EYA3: variants seen among roughly 807,000 people sequenced by gnomAD.
EYA3 encodes protein phosphatase EYA3.
EYA3 carries 39 observed loss-of-function variants against 80.0 expected under a neutral mutation model. That is an observed-to-expected ratio of 0.49 (90% CI 0.38 to 0.64). The LOEUF is 0.64. Among genes scored for constraint, EYA3 ranks in the 30% least tolerant of loss-of-function variants. The pLI is 0.00. For synonymous variants in EYA3, 206 were observed against 232.8 expected (o/e 0.88, Z 1.05); for missense variants, 523 against 676.1 (o/e 0.77, Z 2.51).
At chr1:28,042,550 T>C in intron 4 of EYA3, 21 bp downstream of exon 4, 5 of 1,604,570 alleles carry the variant, frequency 3.1e-6, no homozygotes, top group Non-Finnish European at 4.3e-6. Flanking sequence ...TGTTCAATCA[T>C]GCACAGAATA....
Position 28,027,941 on chromosome 1 carries a change from T to A in EYA3, c.362-15A>T, listed in dbSNP as rs765172913. The A allele has an allele frequency of 1.4e-5, 23 of 1,613,996 alleles. 1 individual carries two copies. The South Asian group carries it at 2.0e-4, about 14-fold the overall frequency. On this transcript the variant is annotated splice_polypyrimidine_tract_variant and intron_variant, in intron 6 of 17. Coordinates refer to ENST00000373871, the MANE Select transcript of EYA3 (RefSeq NM_001990.4). Reference sequence around the variant, plus strand: ...CCACAATGCACCTGAATCAGATAAATTGGACCAATTACAAACAATACACTG... The same window carrying A: ...CCACAATGCACCTGAATCAGATAAAATGGACCAATTACAAACAATACACTG...
At chr1:28,055,062 T>C (rs925688657) in intron 2 of EYA3, among the ~76,000 whole-genome samples, 1 of 152,210 alleles carries the variant, frequency 6.6e-6, no homozygotes, top group Non-Finnish European at 1.5e-5. Flanking sequence ...ATATTTTCTC[T>C]AAGAACACTC....
At chr1:28,038,938 G>A in intron 4 of EYA3, 33 bp from the exon 5 acceptor site, 4 of 1,494,358 alleles carry the variant, frequency 2.7e-6, no homozygotes, top group Non-Finnish European at 3.7e-6. Flanking sequence ...AGGTTAAAAA[G>A]TTAGAACATT....
intron 8 of EYA3, among the ~76,000 whole-genome samples, chr1:28,015,549 A>G (rs1344501479): frequency 2.0e-5 from 3 of 152,200 alleles, no homozygotes; most frequent in African/African-American, 7.2e-5. Flanking sequence ...CAAACAAACA[A>G]AAAACATGAA....
At position 28,024,121 on chromosome 1, in the gene EYA3, C is replaced by A. The variant is rs180993061; in HGVS notation, c.499+3668G>T. ...AGGCATGGTGGCATGTGCCTGTAATCCCAGCTACTCAGGAGGCTGAGGCAG... is the reference window on the plus strand; with the variant it reads ...AGGCATGGTGGCATGTGCCTGTAATACCAGCTACTCAGGAGGCTGAGGCAG... On this transcript the variant is annotated intron_variant, in intron 7 of 17. Coordinates refer to ENST00000373871, the MANE Select transcript of EYA3 (RefSeq NM_001990.4). Among the ~76,000 whole-genome samples the A allele has an allele frequency of 1.1e-3, 170 of 152,120 alleles. 1 individual carries two copies. The highest frequency in any genetic ancestry group is 3.9e-3 in the African/African-American group (162 of 41,502).
chr1:28,018,903 C>T (rs1472116604), intron 7 of EYA3, among the ~76,000 whole-genome samples: 3 of 152,126 alleles, frequency 2.0e-5, no homozygotes, highest in Admixed American at 6.5e-5. Flanking sequence ...TGGTGGCTCA[C>T]GCCTGTAACC....
At chr1:28,030,249 A>C (rs1237047059) in intron 6 of EYA3, among the ~76,000 whole-genome samples, 3 of 152,234 alleles carry the variant, frequency 2.0e-5, no homozygotes, top group African/African-American at 7.2e-5. Flanking sequence ...AATAGTAAAG[A>C]GAAATATGAA....
chr1:28,041,180 A>T (rs1416647842), intron 4 of EYA3, among the ~76,000 whole-genome samples: 1 of 151,972 alleles, frequency 6.6e-6, no homozygotes, highest in Non-Finnish European at 1.5e-5. Context: ...CCTGGCCAAC[A>T]TGGTGAAACC....
intron 7 of EYA3, among the ~76,000 whole-genome samples, chr1:28,027,026 C>T (rs577106789): frequency 3.2e-4 from 49 of 152,164 alleles, no homozygotes; most frequent in Non-Finnish European, 5.9e-4. Flanking sequence ...ATACTAATCC[C>T]TCTACTATCT....
intron 17 of EYA3, 53 bp from the exon 18 acceptor site, chr1:27,974,599 T>C (rs1386384408): frequency 4.0e-6 from 6 of 1,495,864 alleles, no homozygotes; most frequent in Middle Eastern, 1.7e-4. Flanking sequence ...AGAGCTTATA[T>C]AAATATTTGC....
intron 1 of EYA3, among the ~76,000 whole-genome samples, chr1:28,082,036 T>C (rs1645447806): frequency 6.6e-6 from 1 of 152,108 alleles, no homozygotes; most frequent in African/African-American, 2.4e-5. Context: ...TATCAACAAG[T>C]ATTATCATCA....
At chr1:28,023,099 A>AAAAC (rs1323814917) in intron 7 of EYA3, among the ~76,000 whole-genome samples, 1 of 81,002 alleles carries the variant, frequency 1.2e-5, no homozygotes, top group Non-Finnish European at 2.8e-5. Flanking sequence ...GGGGGGGAAA[A>AAAAC]CCAAAAACTA....
At chr1:28,024,927 C>A (rs1412716227) in intron 7 of EYA3, among the ~76,000 whole-genome samples, 1 of 152,124 alleles carries the variant, frequency 6.6e-6, no homozygotes, top group Non-Finnish European at 1.5e-5. Context: ...GTTAATCAAG[C>A]CAGAAGCAGA....
intron 1 of EYA3, among the ~76,000 whole-genome samples, chr1:28,083,923 G>T (rs755412855): frequency 3.9e-5 from 6 of 152,160 alleles, no homozygotes; most frequent in Non-Finnish European, 5.9e-5. Context: ...AATATTTGCT[G>T]AAATAAATGT....
chr1:28,072,500 C>A (rs1645051844), intron 1 of EYA3, among the ~76,000 whole-genome samples: 1 of 151,908 alleles, frequency 6.6e-6, no homozygotes, highest in Non-Finnish European at 1.5e-5. Context: ...ATGATACCAG[C>A]ACACACTTAC....
rs748792058 is a variant in EYA3 at position 27,974,373 on chromosome 1, GAGAC to G, written c.*89_*92del. 237 of 853,108 alleles carry G rather than the reference GAGAC, an allele frequency of 2.8e-4. No homozygotes were observed. The highest frequency in any genetic ancestry group is 4.1e-4 in the Non-Finnish European group (215 of 526,010). 52.8% of individuals were successfully genotyped at this position (853,108 alleles called of 1,614,324 possible). On this transcript the variant is annotated 3_prime_UTR_variant, in exon 18 of 18. Coordinates refer to ENST00000373871, the MANE Select transcript of EYA3 (RefSeq NM_001990.4). ...AGAGATAGAGACAGAGACACAGAGA[GAGAC>G]AGACAGAGAAAGTTCTCAGTTGGTT... is the stretch of plus-strand genomic sequence containing the variant.
intron 5 of EYA3, among the ~76,000 whole-genome samples, chr1:28,038,404 C>T (rs1172078154): frequency 1.4e-5 from 2 of 142,120 alleles, no homozygotes; most frequent in Non-Finnish European, 3.0e-5. Context: ...CCACTGCACT[C>T]CAGCCTGGGC....
chr1:27,977,422 A>G (rs1638992646), intron 17 of EYA3: 1 of 1,544,916 alleles, frequency 6.5e-7, no homozygotes, highest in East Asian at 2.4e-5. Flanking sequence ...AGGGAGGGAA[A>G]GAACTTCTAC....
chr1:27,978,758 A>AT (rs1342240938), intron 16 of EYA3, among the ~76,000 whole-genome samples: 5 of 152,168 alleles, frequency 3.3e-5, no homozygotes, highest in Non-Finnish European at 5.9e-5. Context: ...GAGGTCGGGA[A>AT]TTTGAGACCA....
Sources: allele counts gnomAD v4.1 joint callset (sites outside exome capture counted in the v4.1 genomes callset), GRCh38; gene constraint gnomAD v4.1.1; transcripts MANE v1.5; gene names NCBI Gene and HGNC (gene_info 2026-07-23, HGNC 2026-07-21).